VIRMA: variants seen among roughly 807,000 people sequenced by gnomAD.
VIRMA encodes vir like m6A methyltransferase associated.
A neutral mutation model predicts 182.4 loss-of-function variants in VIRMA; 65 were observed. The observed-to-expected ratio is 0.36, with a 90% CI of 0.29 to 0.44. The LOEUF is 0.44. VIRMA is among the 20% of genes least tolerant of loss of function. VIRMA has a pLI of 1.00. For missense variants in VIRMA, 1,752 were observed against 2,158.1 expected (o/e 0.81, Z 3.73); for synonymous variants, 709 against 743.1 (o/e 0.95, Z 0.75).
intron 12 of VIRMA, 114 bp from the exon 13 acceptor site, chr8:94,511,843 ATTT>A (rs1240633537): frequency 1.4e-6 from 1 of 692,086 alleles, no homozygotes. Context: ...ATAATAAATG[ATTT>A]TTATTATGAC....
Position 94,519,171 on chromosome 8 carries a change from C to T in VIRMA, c.2327G>A (p.Ser776Asn). 1 of 1,614,120 alleles carries T rather than the reference C, an allele frequency of 6.2e-7. No homozygotes were observed. Among genetic ancestry groups the T allele is most frequent in the African/African-American group, 1.3e-5 (1 of 75,054 alleles). Reference protein sequence around the residue: ...QTLQCITELFSHFQRCTASEE... With the variant: ...QTLQCITELFNHFQRCTASEE... ...ACTGGCTGTACAACGCTGAAAATGGCTGAACAGTTCTGTAATACATTGCAA... is the reference window on the plus strand; with the variant it reads ...ACTGGCTGTACAACGCTGAAAATGGTTGAACAGTTCTGTAATACATTGCAA... Residue 776 changes from serine to asparagine, a missense_variant, in exon 9 of 24, where the codon AGC becomes AAC. Ser to Asn is a conservative substitution (Grantham distance 46). Around this residue, in one of 11 missense-constraint regions of VIRMA, gnomAD observed 45 missense variants for 91.0 expected, o/e 0.49. Coordinates refer to ENST00000297591, the MANE Select transcript of VIRMA (RefSeq NM_015496.5).
intron 16 of VIRMA, 51 bp from the exon 17 acceptor site, chr8:94,499,557 T>A: frequency 8.1e-7 from 1 of 1,240,852 alleles, no homozygotes; most frequent in Non-Finnish European, 1.1e-6. Context: ...TATGAGCATA[T>A]AAAACTGGTA....
intron 8 of VIRMA, among the ~76,000 whole-genome samples, chr8:94,523,381 C>T (rs762049302): frequency 1.4e-4 from 21 of 152,170 alleles, no homozygotes; most frequent in Admixed American, 2.6e-4. Flanking sequence ...CTCCTTCTAG[C>T]TGCTGCCTTG....
chr8:94,502,013 T>C (rs373450904), intron 16 of VIRMA, among the ~76,000 whole-genome samples: 6 of 152,358 alleles, frequency 3.9e-5, no homozygotes, highest in African/African-American at 1.4e-4. Flanking sequence ...ACCTCTCTAA[T>C]GCTTTCAGTG....
chr8:94,488,860 C>A lies in VIRMA; in HGVS notation c.5285G>T (p.Gly1762Val). ...LPPLRPLSSTGYRPSPRDRAS... is the reference protein window; with the variant it reads ...LPPLRPLSSTVYRPSPRDRAS... ...ACGGTCCCGAGGACTTGGGCGGTAA[C>A]CTGTAAAAGAAAGAATACAGTTTTT... The change falls in exon 24 of 24, where the codon GGT becomes GTT. Residue 1762 changes from glycine (G) to valine (V), a missense_variant and splice_region_variant. Physicochemically the swap from Gly to Val is moderately radical, Grantham distance 109 (BLOSUM62 -3). This residue lies in a region of VIRMA where 132 missense variants were observed against 173.8 expected (regional missense o/e 0.76). Coordinates refer to ENST00000297591, the MANE Select transcript of VIRMA (RefSeq NM_015496.5). 6.2e-7 allele frequency: 1 copy of A among 1,611,920 alleles called. No homozygotes were observed. Among genetic ancestry groups the A allele is most frequent in the East Asian group, 2.2e-5 (1 of 44,868 alleles).
chr8:94,510,383 T>G, intron 14 of VIRMA, 34 bp downstream of exon 14: 1 of 1,556,362 alleles, frequency 6.4e-7, no homozygotes, highest in Non-Finnish European at 8.8e-7. Flanking sequence ...AAAAATAATT[T>G]GAGGAAAAAA....
chr8:94,541,884 C>A (rs1165279790), intron 2 of VIRMA, among the ~76,000 whole-genome samples: 1 of 152,188 alleles, frequency 6.6e-6, no homozygotes, highest in Non-Finnish European at 1.5e-5. Context: ...CTTTATTTTA[C>A]TGTTCTGTAG....
Position 94,543,962 on chromosome 8 carries a change from G to T in VIRMA, c.64-20C>A. 1 of 1,277,698 alleles carries T rather than the reference G, an allele frequency of 7.8e-7. No individual in the cohort carries two copies. Among genetic ancestry groups the T allele is most frequent in the Non-Finnish European group, 1.1e-6 (1 of 883,042 alleles). 79.1% of individuals were successfully genotyped at this position (1,277,698 alleles called of 1,614,324 possible). ...ACTTTGCTGTAACAAAAAAAAAGCC[G>T]GAGGGGGAGGGGTTCGGAACATTAT... On this transcript the variant is annotated intron_variant, in intron 1 of 23. Transcript: ENST00000297591.
intron 5 of VIRMA, among the ~76,000 whole-genome samples, chr8:94,533,117 A>C (rs2130365559): frequency 6.6e-6 from 1 of 152,154 alleles, no homozygotes; most frequent in Non-Finnish European, 1.5e-5. Context: ...GACTGAAAAC[A>C]CAAATATATG....
chr8:94,537,481 G>A (rs957876795), intron 3 of VIRMA, among the ~76,000 whole-genome samples: 1 of 151,838 alleles, frequency 6.6e-6, no homozygotes, highest in Admixed American at 6.6e-5. Flanking sequence ...TTTAAGAAAA[G>A]CACCTGTTTT....
intron 4 of VIRMA, among the ~76,000 whole-genome samples, chr8:94,536,059 G>A (rs193126647): frequency 1.1e-3 from 170 of 152,328 alleles, no homozygotes; most frequent in African/African-American, 3.9e-3. Flanking sequence ...TGACTTCTGA[G>A]TTCTCTTTCC....
rs571488821 is a variant in VIRMA at position 94,539,041 on chromosome 8, A to G, written c.180-695T>C. On this transcript the variant is annotated intron_variant, in intron 2 of 23. Coordinates refer to ENST00000297591, the MANE Select transcript of VIRMA (RefSeq NM_015496.5). ...TACAGCCTCCCAAGTAGCTGGGACT[A>G]CAGGTGTATGCCACTACACTGGGCT... Among the ~76,000 whole-genome samples, 2 of 150,540 alleles carry G rather than the reference A, an allele frequency of 1.3e-5. 1 individual carries two copies. The highest frequency in any genetic ancestry group is 3.9e-4 in the East Asian group (2 of 5,124).
chr8:94,511,074 TC>T, intron 13 of VIRMA, 110 bp downstream of exon 13: 2 of 1,461,960 alleles, frequency 1.4e-6, no homozygotes, highest in South Asian at 1.5e-5. Flanking sequence ...TTATTTTATG[TC>T]TTTTTGGGAG....
intron 5 of VIRMA, among the ~76,000 whole-genome samples, chr8:94,533,249 T>C (rs1003118200): frequency 6.7e-6 from 1 of 150,008 alleles, no homozygotes; most frequent in Non-Finnish European, 1.5e-5. Flanking sequence ...AGGTAAGATA[T>C]AAGAAAAGTA....
rs765350377 is a variant in VIRMA at position 94,506,638 on chromosome 8, T to TGG, written c.3958_3959insCC (p.Lys1320ThrfsTer4). ...GTCACAGATTGAGGTCATCAATTCT[T>TGG]TATTTGGTAGAGAATTGGAGAGCTG... On this transcript the variant is annotated frameshift_variant, in exon 16 of 24. Coordinates refer to ENST00000297591, the MANE Select transcript of VIRMA (RefSeq NM_015496.5). LOFTEE classifies it high-confidence loss of function. The TGG allele has an allele frequency of 6.2e-7, 1 of 1,613,544 alleles. No homozygotes were observed. The highest frequency in any genetic ancestry group is 8.5e-7 in the Non-Finnish European group (1 of 1,179,528).
chr8:94,530,927 T>C (rs1341774744), intron 6 of VIRMA, 36 bp downstream of exon 6: 1 of 1,586,186 alleles, frequency 6.3e-7, no homozygotes, highest in Non-Finnish European at 8.6e-7. Context: ...TACTATTAAC[T>C]AGGGGGGAAA....
intron 7 of VIRMA, among the ~76,000 whole-genome samples, chr8:94,528,100 G>A (rs890212905): frequency 1.3e-5 from 2 of 151,896 alleles, no homozygotes; most frequent in Admixed American, 1.3e-4. Context: ...TGAGCGTAGG[G>A]GTGCGTGCCT....
rs932236028 is a variant in VIRMA at position 94,524,022 on chromosome 8, G to A, written c.2021+2201C>T. On this transcript the variant is annotated intron_variant, in intron 8 of 23. Coordinates refer to ENST00000297591, the MANE Select transcript of VIRMA (RefSeq NM_015496.5). ...ACTTGTTTATTTATTTTTTTGAGAC[G>A]GAGTTTCGCTCTTGTTGCTTAGGCT... 3.0e-4 allele frequency among the ~76,000 whole-genome samples: 45 copies of A among 149,780 alleles called. 1 individual carries two copies. Among genetic ancestry groups the A allele is most frequent in the Admixed American group, 2.6e-3 (39 of 14,966 alleles).
intron 3 of VIRMA, 118 bp from the exon 4 acceptor site, chr8:94,537,269 T>C: frequency 1.4e-6 from 1 of 720,092 alleles, no homozygotes; most frequent in Non-Finnish European, 2.4e-6. Context: ...TTGTTTTGAT[T>C]CAATAAACCA....
Sources: allele counts gnomAD v4.1 joint callset (sites outside exome capture counted in the v4.1 genomes callset), GRCh38; gene constraint gnomAD v4.1.1; regional missense constraint gnomAD v4.1.1; transcripts MANE v1.5; gene names NCBI Gene and HGNC (gene_info 2026-07-23, HGNC 2026-07-21).